The following WDR93 variants were observed in gnomAD, a reference collection of about 807,000 sequenced individuals.
WDR93 encodes the protein WD repeat-containing protein 93.
Under a neutral mutation model 82.9 loss-of-function variants are expected in WDR93, and 73 were observed. The observed-to-expected ratio is 0.88, with a 90% CI of 0.73 to 1.07. WDR93 has a LOEUF of 1.07. WDR93 is among the 50% of genes least tolerant of loss of function. The pLI is 0.00. For synonymous variants in WDR93, 283 were observed against 300.1 expected, an observed-to-expected ratio of 0.94 and a Z score of 0.59; for missense variants, 738 against 826.0, an observed-to-expected ratio of 0.89 and a Z score of 1.31.
intron 11 of WDR93, 43 bp from the exon 12 acceptor site, chr15:89,731,400 G>A (rs759318241): frequency 7.6e-6 from 12 of 1,577,548 alleles, no homozygotes; most frequent in African/African-American, 1.5e-5. Context: ...ATGGGTAGGT[G>A]CAGAGTCTGG....
intron 13 of WDR93, 106 bp downstream of exon 13, chr15:89,733,325 A>G: frequency 9.6e-7 from 1 of 1,043,730 alleles, no homozygotes; most frequent in Non-Finnish European, 1.4e-6. Flanking sequence ...CACCTTTTGT[A>G]TAGTCATCAC....
intron 4 of WDR93, among the ~76,000 whole-genome samples, chr15:89,706,193 G>A (rs770864137): frequency 2.6e-5 from 4 of 152,136 alleles, no homozygotes; most frequent in African/African-American, 4.8e-5. Context: ...TGAGGGAAGA[G>A]GACCTGTCTT....
At chr15:89,696,107 A>G (rs1420727334) in intron 1 of WDR93, among the ~76,000 whole-genome samples, 1 of 152,110 alleles carries the variant, frequency 6.6e-6, no homozygotes, top group Non-Finnish European at 1.5e-5. Context: ...ATGAGCCACC[A>G]TGCCCAGCCA....
At chr15:89,712,331 A>G (rs1966015884) in intron 5 of WDR93, among the ~76,000 whole-genome samples, 1 of 150,156 alleles carries the variant, frequency 6.7e-6, no homozygotes, top group Non-Finnish European at 1.5e-5. Flanking sequence ...ACATTGGTAC[A>G]GTACTATTAA....
chr15:89,706,807 A>G (rs1042902122), intron 4 of WDR93, among the ~76,000 whole-genome samples: 3 of 152,172 alleles, frequency 2.0e-5, no homozygotes, highest in Non-Finnish European at 4.4e-5. Flanking sequence ...GTAACTCAAA[A>G]TGGATCATAT....
Position 89,717,045 on chromosome 15 carries a change from CTTTTTTTTTTTTTTT to C in WDR93, c.795+104_795+118del, listed in dbSNP as rs11457156. On this transcript the variant is annotated intron_variant, in intron 7 of 16. Coordinates refer to ENST00000268130, the MANE Select transcript of WDR93 (RefSeq NM_020212.2). ...TTTTTCTTTTCTTTTCTTTTTCTTT[CTTTTTTTTTTTTTTT>C]TTTTTTTGAGACAGAGTTTCATTCT... 5 of 160,494 alleles carry C rather than the reference CTTTTTTTTTTTTTTT, an allele frequency of 3.1e-5. No homozygotes were observed. The African/African-American group carries it at 3.2e-4, about 10-fold the overall frequency. 9.9% of individuals were successfully genotyped at this position (160,494 alleles called of 1,614,324 possible).
chr15:89,702,161 G>A, intron 2 of WDR93, 112 bp downstream of exon 2: 2 of 1,216,150 alleles, frequency 1.6e-6, no homozygotes, highest in Non-Finnish European at 2.3e-6. Flanking sequence ...CAATAAGTCA[G>A]TGCATTTTTG....
intron 1 of WDR93, 23 bp from the exon 2 acceptor site, chr15:89,701,683 TC>T: frequency 1.3e-6 from 2 of 1,539,176 alleles, no homozygotes. Context: ...CTTCCAGAAT[TC>T]CTTTGTTTAC....
intron 1 of WDR93, among the ~76,000 whole-genome samples, chr15:89,692,473 C>G (rs1964943903): frequency 6.6e-6 from 1 of 152,176 alleles, no homozygotes. Context: ...GGCCATATAC[C>G]AACCACTGTG....
intron 5 of WDR93, chr15:89,714,330 C>CTT: frequency 6.8e-6 from 1 of 146,930 alleles, no homozygotes; most frequent in Non-Finnish European, 1.5e-5. Flanking sequence ...TGAAGCATTT[C>CTT]TTTTTTTTTT....
intron 1 of WDR93, among the ~76,000 whole-genome samples, chr15:89,698,156 T>C (rs1965281960): frequency 6.6e-6 from 1 of 152,150 alleles, no homozygotes; most frequent in Non-Finnish European, 1.5e-5. Context: ...AGTGCTGGGA[T>C]TATAGGCATG....
intron 6 of WDR93, among the ~76,000 whole-genome samples, chr15:89,715,583 T>G (rs1966210539): frequency 1.3e-5 from 2 of 152,088 alleles, no homozygotes; most frequent in South Asian, 4.1e-4. Flanking sequence ...CTTGTGCTGT[T>G]TTTTTGTTTT....
At chr15:89,705,043 A>C (rs1965664445) in intron 3 of WDR93, 1 of 159,736 alleles carries the variant, frequency 6.3e-6, no homozygotes, top group Non-Finnish European at 1.4e-5. Context: ...TGGAGCCATT[A>C]GGTTAAATGA....
chr15:89,691,581 G>A (rs1007807450), intron 1 of WDR93, among the ~76,000 whole-genome samples: 1 of 152,144 alleles, frequency 6.6e-6, no homozygotes. Flanking sequence ...GTAGCCGGGC[G>A]TGGTGGTGGG....
chr15:89,741,567 T>C (rs559244136), intron 16 of WDR93, among the ~76,000 whole-genome samples: 1 of 152,276 alleles, frequency 6.6e-6, no homozygotes, highest in African/African-American at 2.4e-5. Flanking sequence ...TCTACTTAGA[T>C]TGGCAGAGTT....
At chr15:89,703,203 T>C in intron 3 of WDR93, 61 bp downstream of exon 3, 4 of 1,584,172 alleles carry the variant, frequency 2.5e-6, no homozygotes, top group Non-Finnish European at 3.5e-6. Context: ...TGTTGTCAAT[T>C]TAATCTCCTT....
chr15:89,720,516 C>T lies in WDR93; in HGVS notation c.796-1539C>T, dbSNP rs1168828418. Among the ~76,000 whole-genome samples, 5 of 152,176 alleles carry T rather than the reference C, an allele frequency of 3.3e-5. No homozygotes were observed. The East Asian group carries it at 9.6e-4, about 29-fold the overall frequency. Reference sequence around the variant, plus strand: ...TTGAACTCCTGACCTCGTGATTCGCCCGCCTCGACCTCCCAAAGTGCTGGA... The same window carrying T: ...TTGAACTCCTGACCTCGTGATTCGCTCGCCTCGACCTCCCAAAGTGCTGGA... On this transcript the variant is annotated intron_variant, in intron 7 of 16. Coordinates refer to ENST00000268130, the MANE Select transcript of WDR93 (RefSeq NM_020212.2).
rs79763130 is a variant in WDR93 at position 89,732,770 on chromosome 15, G to C, written c.1331-236G>C. On this transcript the variant is annotated intron_variant, in intron 12 of 16. Transcript: ENST00000268130. ...CAGTGCTGACCCTGCCCTCCTCCAT[G>C]CTCTTGCTTCTCCCCCTCCCCAATT... 4.7e-3 allele frequency among the ~76,000 whole-genome samples: 722 copies of C among 152,080 alleles called. 5 individuals are homozygous for C. The highest frequency in any genetic ancestry group is 0.017 in the African/African-American group (697 of 41,482).
intron 3 of WDR93, chr15:89,703,393 C>A: frequency 1.9e-6 from 1 of 525,022 alleles, no homozygotes; most frequent in Non-Finnish European, 3.4e-6. Flanking sequence ...TCAGAAGAGG[C>A]AACTGACTTA....
Sources: allele counts gnomAD v4.1 joint callset (sites outside exome capture counted in the v4.1 genomes callset), GRCh38; gene constraint gnomAD v4.1.1; transcripts MANE v1.5; gene names NCBI Gene and HGNC (gene_info 2026-07-23, HGNC 2026-07-21).